The following GSK3B variants were observed in gnomAD, a reference collection of about 807,000 sequenced individuals.
The protein encoded by GSK3B is glycogen synthase kinase-3 beta.
A neutral mutation model predicts 56.4 loss-of-function variants in GSK3B; 15 were observed. That is an observed-to-expected ratio of 0.27 (90% CI 0.18 to 0.41). The LOEUF (loss-of-function observed/expected upper bound fraction) is 0.41. Among genes scored for constraint, GSK3B ranks in the 10% least tolerant of loss-of-function variants. The pLI is 1.00. For synonymous variants in GSK3B, 181 were observed against 188.9 expected, an observed-to-expected ratio of 0.96 and a Z score of 0.34; for missense variants, 300 against 513.4, an observed-to-expected ratio of 0.58 and a Z score of 4.02.
chr3:119,992,642 G>GA (rs1257081958), intron 2 of GSK3B, among the ~76,000 whole-genome samples: 37 of 144,720 alleles, frequency 2.6e-4, no homozygotes, highest in East Asian at 2.2e-3. Flanking sequence ...TTACATATCA[G>GA]AAAAAAAAAA....
At chr3:120,077,889 T>G (rs2058380798) in intron 1 of GSK3B, among the ~76,000 whole-genome samples, 1 of 152,170 alleles carries the variant, frequency 6.6e-6, no homozygotes, top group Non-Finnish European at 1.5e-5. Flanking sequence ...TGGAACCTAT[T>G]CCCTACTAAC....
Position 119,932,736 on chromosome 3 carries a change from T to TA in GSK3B, c.367-9254dup, listed in dbSNP as rs199526906. Among the ~76,000 whole-genome samples the TA allele has an allele frequency of 3.2e-3, 480 of 152,148 alleles. 2 individuals carry two copies. Among genetic ancestry groups the TA allele is most frequent in the African/African-American group, 0.01 (434 of 41,520 alleles). On this transcript the variant is annotated intron_variant, in intron 3 of 10. Transcript: ENST00000264235. The stretch of plus-strand genomic sequence containing the variant: ...ATAAATAAACTTCTGCTACACATGA[T>TA]AAAAGCCTGATTTGTTTTTCTTTAA...
chr3:120,050,928 G>A, intron 1 of GSK3B, among the ~76,000 whole-genome samples: 1 of 152,120 alleles, frequency 6.6e-6, no homozygotes, highest in East Asian at 1.9e-4. Context: ...AACGGGGTAG[G>A]TGGCTGGAGA....
chr3:119,853,881 C>A (rs1295077549), intron 9 of GSK3B, among the ~76,000 whole-genome samples: 1 of 151,134 alleles, frequency 6.6e-6, no homozygotes, highest in East Asian at 1.9e-4. Context: ...GACATTTTGA[C>A]CCCCTGTTTT....
rs192722333 is a variant in GSK3B, at chr3:120,079,721, C to G, written c.88+13626G>C. Among the ~76,000 whole-genome samples the G allele has an allele frequency of 4.4e-3, 671 of 152,198 alleles. 5 individuals are homozygous for G. The highest frequency in any genetic ancestry group is 0.015 in the African/African-American group (632 of 41,530). ...ATATAAACATATTTTTTAAAGGCCTCAGAGTCTCTCAGTAAAAGTTATTCC... is the reference window on the plus strand; with the variant it reads ...ATATAAACATATTTTTTAAAGGCCTGAGAGTCTCTCAGTAAAAGTTATTCC... On this transcript the variant is annotated intron_variant, in intron 1 of 10. Transcript: ENST00000264235.
chr3:120,026,298 T>G (rs1315698850), intron 1 of GSK3B, among the ~76,000 whole-genome samples: 1 of 152,098 alleles, frequency 6.6e-6, no homozygotes, highest in African/African-American at 2.4e-5. Context: ...AAGAGTTATT[T>G]GTTAGAGGCA....
chr3:119,949,734 G>A (rs2057136141), intron 2 of GSK3B, among the ~76,000 whole-genome samples: 1 of 147,528 alleles, frequency 6.8e-6, no homozygotes, highest in African/African-American at 2.5e-5. Flanking sequence ...CCAGGAGGTG[G>A]AGGCTGCAGT....
intron 7 of GSK3B, among the ~76,000 whole-genome samples, chr3:119,882,397 C>G (rs2056389985): frequency 6.6e-6 from 1 of 152,034 alleles, no homozygotes; most frequent in African/African-American, 2.4e-5. Flanking sequence ...AGGAAAATTT[C>G]AAACAAAAAA....
intron 4 of GSK3B, among the ~76,000 whole-genome samples, chr3:119,922,563 A>C (rs1325485076): frequency 3.3e-5 from 5 of 150,082 alleles, no homozygotes; most frequent in African/African-American, 1.2e-4. Flanking sequence ...AAATCCATCC[A>C]AAGAACTTCT....
chr3:119,965,493 T>C (rs1009503613), intron 2 of GSK3B, among the ~76,000 whole-genome samples: 9 of 152,092 alleles, frequency 5.9e-5, no homozygotes, highest in African/African-American at 2.2e-4. Context: ...ACTACAGGCA[T>C]CAGCCACCAT....
chr3:119,832,586 A>C (rs1160716158), intron 10 of GSK3B, among the ~76,000 whole-genome samples: 2 of 152,244 alleles, frequency 1.3e-5, no homozygotes, highest in African/African-American at 4.8e-5. Context: ...TCCCTACACA[A>C]TTAGGTGTGC....
chr3:120,075,523 T>C (rs942676387), intron 1 of GSK3B, among the ~76,000 whole-genome samples: 2 of 152,170 alleles, frequency 1.3e-5, no homozygotes, highest in Non-Finnish European at 2.9e-5. Flanking sequence ...ATTGAATAAA[T>C]TAATTTAGTA....
intron 3 of GSK3B, among the ~76,000 whole-genome samples, chr3:119,931,985 T>C (rs577700114): frequency 6.5e-4 from 99 of 152,274 alleles, no homozygotes; most frequent in African/African-American, 2.4e-3. Flanking sequence ...GAGTAAGAAA[T>C]TTAAGTGATA....
At chr3:119,914,806 A>C (rs2056765488) in intron 5 of GSK3B, among the ~76,000 whole-genome samples, 1 of 152,122 alleles carries the variant, frequency 6.6e-6, no homozygotes. Context: ...TGTGGAAAAC[A>C]TATCCTATGT....
chr3:119,902,689 G>A (rs1037025170), intron 7 of GSK3B, among the ~76,000 whole-genome samples: 2 of 151,230 alleles, frequency 1.3e-5, no homozygotes, highest in Admixed American at 6.6e-5. Flanking sequence ...TAGCCACCAC[G>A]CTTGGCTGTG....
At chr3:120,071,401 G>A (rs367605213) in intron 1 of GSK3B, among the ~76,000 whole-genome samples, 7 of 152,212 alleles carry the variant, frequency 4.6e-5, no homozygotes, top group African/African-American at 1.2e-4. Context: ...GAACCAGACC[G>A]CACAGCAGGA....
chr3:119,932,557 T>C (rs1454040840), intron 3 of GSK3B, among the ~76,000 whole-genome samples: 2 of 151,562 alleles, frequency 1.3e-5, no homozygotes, highest in African/African-American at 4.9e-5. Flanking sequence ...AACATGGGTA[T>C]TTCTGCAAAT....
chr3:119,859,622 CA>C (rs951351943), intron 9 of GSK3B, among the ~76,000 whole-genome samples: 3 of 152,050 alleles, frequency 2.0e-5, no homozygotes, highest in African/African-American at 4.8e-5. Flanking sequence ...TATACTCTTT[CA>C]AAAAATATTT....
At position 119,915,976 on chromosome 3, in the gene GSK3B, T is replaced by C. The variant is rs2056776276; in HGVS notation, c.608+68A>G. The C allele has an allele frequency of 6.6e-6, 7 of 1,066,862 alleles. No homozygotes were observed. The East Asian group carries it at 1.5e-4, about 23-fold the overall frequency. 66.1% of individuals were successfully genotyped at this position (1,066,862 alleles called of 1,614,324 possible). On this transcript the variant is annotated intron_variant, in intron 5 of 10. Coordinates refer to ENST00000264235, the MANE Select transcript of GSK3B (RefSeq NM_001146156.2). ...TTAGGCTGATATTGCAAAAGGAATA[T>C]ATTTAAAAGAAGATAGTAGGGGGAG...
Sources: allele counts gnomAD v4.1 joint callset (sites outside exome capture counted in the v4.1 genomes callset), GRCh38; gene constraint gnomAD v4.1.1; transcripts MANE v1.5; gene names NCBI Gene and HGNC (gene_info 2026-07-23, HGNC 2026-07-21).